Variants in PABPC4L observed in about 807,000 individuals in gnomAD.
PABPC4L encodes poly(A) binding protein cytoplasmic 4 like.
For missense variants in PABPC4L, 452 were observed against 451.4 expected (o/e 1.00, Z -0.01); for synonymous variants, 169 against 164.1 (o/e 1.03, Z -0.23).
At chr4:133,990,350 A>G in the PABPC4L span, among the ~76,000 whole-genome samples, 2 of 152,074 alleles carry the variant, frequency 1.3e-5, no homozygotes, top group Admixed American at 6.6e-5. Flanking sequence ...GTGATCATTG[A>G]TGTTTCTATT....
the PABPC4L span, among the ~76,000 whole-genome samples, chr4:134,164,705 G>T: frequency 6.4e-4 from 97 of 151,804 alleles, no homozygotes; most frequent in Non-Finnish European, 1.3e-3. Context: ...CTGCCCAAAA[G>T]AATCTACAGA....
rs11099273 is a variant in PABPC4L, at chr4:134,199,911, T to G, written c.1109A>C (p.His370Pro). 0.36 allele frequency: 558,475 copies of G among 1,550,646 alleles called. 116,803 individuals carry two copies. Among genetic ancestry groups the G allele is most frequent in the East Asian group, 0.99 (40,375 of 40,892 alleles). ...GGAAAGGTACGTTTTTCTTTCCTAG[T>G]GTCTCTGGGCCAAGGCAATGCTAAG... ...KPLSIALAQRH is the reference protein window; with the variant it reads ...KPLSIALAQRP The change falls in exon 2 of 2, where the codon CAC becomes CCC. Residue 370 changes from histidine (H) to proline (P), a missense_variant. Transcript: ENST00000421491.
the PABPC4L span, among the ~76,000 whole-genome samples, chr4:134,165,481 C>T: frequency 4.6e-5 from 7 of 152,030 alleles, no homozygotes; most frequent in Non-Finnish European, 5.9e-5. Flanking sequence ...GCAGATGACA[C>T]GAGTAGACAT....
At chr4:134,096,014 C>T in the PABPC4L span, among the ~76,000 whole-genome samples, 17 of 151,966 alleles carry the variant, frequency 1.1e-4, no homozygotes, top group African/African-American at 3.9e-4. Context: ...TATTATTAAC[C>T]CCATGAGAAT....
At chr4:134,149,730 T>C in the PABPC4L span, among the ~76,000 whole-genome samples, 1 of 152,168 alleles carries the variant, frequency 6.6e-6, no homozygotes. Context: ...AAGAAATCCA[T>C]CTAAAATTTA....
chr4:134,102,624 T>A, the PABPC4L span, among the ~76,000 whole-genome samples: 951 of 151,676 alleles, frequency 6.3e-3, 7 homozygotes, highest in African/African-American at 0.022. Flanking sequence ...ATGGAACAAC[T>A]CAATAAGTTA....
chr4:134,171,336 G>C, the PABPC4L span, among the ~76,000 whole-genome samples: 1 of 152,104 alleles, frequency 6.6e-6, no homozygotes, highest in African/African-American at 2.4e-5. Flanking sequence ...GGTTGGTCTC[G>C]AACTCCTAAC....
the PABPC4L span, among the ~76,000 whole-genome samples, chr4:134,021,842 A>G: frequency 1.3e-5 from 2 of 152,008 alleles, no homozygotes; most frequent in Non-Finnish European, 2.9e-5. Flanking sequence ...GGCTTCATTA[A>G]TGCTCTTCTT....
chr4:133,965,041 G>A, the PABPC4L span, among the ~76,000 whole-genome samples: 3 of 152,038 alleles, frequency 2.0e-5, no homozygotes, highest in Non-Finnish European at 4.4e-5. Context: ...ACTGTTTATT[G>A]ACAATATGAT....
At chr4:134,092,269 T>C in the PABPC4L span, among the ~76,000 whole-genome samples, 1 of 151,698 alleles carries the variant, frequency 6.6e-6, no homozygotes, top group East Asian at 1.9e-4. Flanking sequence ...AACCCCAAAC[T>C]CCCCTGGCAG....
the PABPC4L span, among the ~76,000 whole-genome samples, chr4:134,066,829 A>G: frequency 6.6e-6 from 1 of 152,048 alleles, no homozygotes; most frequent in Admixed American, 6.6e-5. Context: ...CTGTTTATGT[A>G]ATGAATTAAA....
chr4:133,995,694 T>C, the PABPC4L span, among the ~76,000 whole-genome samples: 1 of 152,276 alleles, frequency 6.6e-6, no homozygotes, highest in Admixed American at 6.5e-5. Flanking sequence ...CCAAACTTAA[T>C]TGTTGTTGTA....
the PABPC4L span, among the ~76,000 whole-genome samples, chr4:134,061,135 A>T: frequency 4.6e-5 from 7 of 152,044 alleles, no homozygotes; most frequent in Non-Finnish European, 7.4e-5. Flanking sequence ...TACCTCATTT[A>T]CCCTGATGTG....
At chr4:134,075,542 C>T in the PABPC4L span, among the ~76,000 whole-genome samples, 75,936 of 151,804 alleles carry the variant, frequency 0.5, 20,120 homozygotes, top group East Asian at 0.93. Context: ...TAATAGCATC[C>T]GAAGTAGACT....
the PABPC4L span, among the ~76,000 whole-genome samples, chr4:134,115,496 A>G: frequency 2.0e-5 from 3 of 151,826 alleles, no homozygotes; most frequent in Non-Finnish European, 4.4e-5. Flanking sequence ...ACCTTCACAG[A>G]GGAAATTATG....
chr4:134,164,244 C>T, the PABPC4L span, among the ~76,000 whole-genome samples: 439 of 103,370 alleles, frequency 4.2e-3, 3 homozygotes, highest in African/African-American at 0.016. Flanking sequence ...GCCTGGGCGA[C>T]AGAGCGAGAC....
At chr4:134,090,717 T>C in the PABPC4L span, among the ~76,000 whole-genome samples, 1 of 151,702 alleles carries the variant, frequency 6.6e-6, no homozygotes, top group African/African-American at 2.4e-5. Flanking sequence ...GAGCTATGAT[T>C]ATACCATTGC....
the PABPC4L span, among the ~76,000 whole-genome samples, chr4:134,163,235 T>C: frequency 5.9e-5 from 9 of 152,094 alleles, no homozygotes; most frequent in Admixed American, 3.9e-4. Context: ...TACCCCTCTA[T>C]ACATACAAAC....
chr4:134,044,795 A>G, the PABPC4L span, among the ~76,000 whole-genome samples: 1 of 152,186 alleles, frequency 6.6e-6, no homozygotes, highest in Non-Finnish European at 1.5e-5. Flanking sequence ...AGAATTATGA[A>G]TTTTATATTT....
Sources: allele counts gnomAD v4.1 joint callset (sites outside exome capture counted in the v4.1 genomes callset), GRCh38; gene constraint gnomAD v4.1.1; transcripts MANE v1.5; gene names NCBI Gene and HGNC (gene_info 2026-07-23, HGNC 2026-07-21).